TNKS: variants seen among roughly 807,000 people sequenced by gnomAD.
TNKS encodes tankyrase.
In TNKS, 72 loss-of-function variants were observed where a neutral mutation model predicts 135.8. That is an observed-to-expected ratio of 0.53 (90% confidence interval 0.44 to 0.64). TNKS has a LOEUF of 0.64. Among genes scored for constraint, TNKS ranks in the 30% least tolerant of loss-of-function variants. The pLI is 0.00. For synonymous variants in TNKS, 849 were observed against 649.3 expected, an observed-to-expected ratio of 1.31 and a Z score of -4.68; for missense variants, 1,769 against 1,674.0, an observed-to-expected ratio of 1.06 and a Z score of -0.99.
rs1803734922 is a variant in TNKS at position 9,700,323 on chromosome 8, G to A, written c.1108-4340G>A. 2.0e-5 allele frequency among the ~76,000 whole-genome samples: 3 copies of A among 152,298 alleles called. No individual in the cohort carries two copies. In the South Asian group the frequency reaches 6.2e-4, roughly 32 times the overall value. Reference sequence around the variant, plus strand: ...TCAAACTTGGTGTGATTTTGAGAAAGAAGAAGATCCATAAGCTCAAAATAC... The same window carrying A: ...TCAAACTTGGTGTGATTTTGAGAAAAAAGAAGATCCATAAGCTCAAAATAC... On this transcript the variant is annotated intron_variant, in intron 5 of 26. Coordinates refer to ENST00000310430, the MANE Select transcript of TNKS (RefSeq NM_003747.3).
At chr8:9,587,337 G>C (rs1024896068) in intron 2 of TNKS, among the ~76,000 whole-genome samples, 5 of 152,030 alleles carry the variant, frequency 3.3e-5, no homozygotes, top group African/African-American at 1.2e-4. Flanking sequence ...GATGGAAAAG[G>C]CAAGGAAGTA....
chr8:9,560,805 C>T (rs58868633), intron 1 of TNKS, among the ~76,000 whole-genome samples: 33 of 151,904 alleles, frequency 2.2e-4, no homozygotes, highest in African/African-American at 8.0e-4. Context: ...AACTGGATTA[C>T]CTTTTACTTA....
At chr8:9,759,166 C>T (rs1277555942) in intron 20 of TNKS, among the ~76,000 whole-genome samples, 1 of 152,150 alleles carries the variant, frequency 6.6e-6, no homozygotes, top group Non-Finnish European at 1.5e-5. Context: ...GCCTGCACTC[C>T]AGGGGAGGGG....
intron 3 of TNKS, among the ~76,000 whole-genome samples, chr8:9,646,498 C>G (rs1005399159): frequency 3.3e-5 from 5 of 151,962 alleles, no homozygotes; most frequent in African/African-American, 1.2e-4. Context: ...CATTTTTATA[C>G]AGAGAAGTTT....
intron 20 of TNKS, among the ~76,000 whole-genome samples, chr8:9,756,893 C>G (rs1291662798): frequency 6.6e-6 from 1 of 152,164 alleles, no homozygotes; most frequent in Non-Finnish European, 1.5e-5. Context: ...TCTCATCCTC[C>G]TAAAATACAA....
chr8:9,686,785 A>G (rs970182368), intron 5 of TNKS, among the ~76,000 whole-genome samples: 1 of 152,116 alleles, frequency 6.6e-6, no homozygotes, highest in African/African-American at 2.4e-5. Flanking sequence ...AAGCTAGAAG[A>G]TCTGATTTTA....
intron 3 of TNKS, among the ~76,000 whole-genome samples, chr8:9,667,668 AT>A (rs1462625760): frequency 2.6e-5 from 4 of 152,168 alleles, no homozygotes; most frequent in African/African-American, 9.6e-5. Flanking sequence ...AGTGAGTGCA[AT>A]TATGGTTTCC....
Position 9,589,576 on chromosome 8 carries a change from GC to G in TNKS, c.898+9197del, listed in dbSNP as rs537685763. Among the ~76,000 whole-genome samples, 627 of 152,312 alleles carry G rather than the reference GC, an allele frequency of 4.1e-3. 3 individuals are homozygous for G. Among genetic ancestry groups the G allele is most frequent in the Middle Eastern group, 0.017 (5 of 294 alleles). On this transcript the variant is annotated intron_variant, in intron 2 of 26. Coordinates refer to ENST00000310430, the MANE Select transcript of TNKS (RefSeq NM_003747.3). ...AAACCTGAGATGCAAAGAATCTGAT[GC>G]CCCACTTTGAGTTAGATGTTGACCC...
intron 11 of TNKS, among the ~76,000 whole-genome samples, chr8:9,719,705 G>A (rs1212268079): frequency 2.0e-5 from 3 of 152,130 alleles, no homozygotes; most frequent in African/African-American, 7.2e-5. Flanking sequence ...GGGATCTGCT[G>A]GAAGATAAGA....
chr8:9,690,897 G>T (rs1227678391), intron 5 of TNKS, among the ~76,000 whole-genome samples: 1 of 151,982 alleles, frequency 6.6e-6, no homozygotes, highest in East Asian at 1.9e-4. Flanking sequence ...ATCTATCTAG[G>T]ATTCATAGAA....
intron 25 of TNKS, among the ~76,000 whole-genome samples, chr8:9,768,407 T>A (rs1278124554): frequency 6.6e-6 from 1 of 152,200 alleles, no homozygotes; most frequent in Non-Finnish European, 1.5e-5. Context: ...AGTATATCAG[T>A]GAGAGAAAGA....
At chr8:9,560,340 G>C (rs1797274235) in intron 1 of TNKS, among the ~76,000 whole-genome samples, 1 of 151,852 alleles carries the variant, frequency 6.6e-6, no homozygotes, top group Admixed American at 6.6e-5. Context: ...CTTGGATTAT[G>C]ATAGGTAATG....
intron 11 of TNKS, among the ~76,000 whole-genome samples, chr8:9,717,072 A>AATATAT (rs368231440): frequency 0.016 from 1,262 of 79,408 alleles, 42 homozygotes; most frequent in South Asian, 0.04. Flanking sequence ...GTTGTATTAT[A>AATATAT]ATATATATAT....
At chr8:9,628,180 A>T (rs1379134971) in intron 3 of TNKS, among the ~76,000 whole-genome samples, 1 of 140,528 alleles carries the variant, frequency 7.1e-6, no homozygotes, top group East Asian at 2.1e-4. Flanking sequence ...AAAAAAAAAC[A>T]TTCTTTTGTG....
intron 3 of TNKS, among the ~76,000 whole-genome samples, chr8:9,630,493 T>A (rs1800247258): frequency 6.6e-6 from 1 of 152,230 alleles, no homozygotes; most frequent in South Asian, 2.1e-4. Flanking sequence ...AATCTGCAAG[T>A]TCTACTTTCA....
chr8:9,622,503 A>G (rs1799903990), intron 3 of TNKS, among the ~76,000 whole-genome samples: 1 of 152,230 alleles, frequency 6.6e-6, no homozygotes. Context: ...CTAAGTTCAC[A>G]GAACCATCAA....
chr8:9,698,618 A>C (rs4323472), intron 5 of TNKS, among the ~76,000 whole-genome samples: 1 of 152,154 alleles, frequency 6.6e-6, no homozygotes, highest in African/African-American at 2.4e-5. Context: ...TTCCAAAGCC[A>C]GAATGCAAAA....
chr8:9,679,980 G>A lies in TNKS; in HGVS notation c.1024G>A (p.Ala342Thr), dbSNP rs201842298. 1 of 1,612,500 alleles carries A rather than the reference G, an allele frequency of 6.2e-7. No homozygotes were observed. Among genetic ancestry groups the A allele is most frequent in the Non-Finnish European group, 8.5e-7 (1 of 1,178,590 alleles). The change falls in exon 4 of 27, where the codon GCT (alanine) becomes ACT (threonine). Residue 342 changes from alanine (A) to threonine (T), a missense_variant. Around this residue, in one of 5 missense-constraint regions of TNKS, gnomAD observed 523 missense variants for 541.0 expected, o/e 0.97. Coordinates refer to ENST00000310430, the MANE Select transcript of TNKS (RefSeq NM_003747.3). ...GEYKKDELLE[A>T]ARSGNEEKLM... ...ATACAAGAAAGACGAACTCCTAGAA[G>A]CTGCTAGGTAAGTGATTCCATTCAT...
intron 5 of TNKS, among the ~76,000 whole-genome samples, chr8:9,685,557 A>G (rs1563166481): frequency 1.3e-5 from 2 of 152,152 alleles, no homozygotes; most frequent in Non-Finnish European, 1.5e-5. Flanking sequence ...CTCTCCACTT[A>G]AATGTCCTTA....
Sources: gnomAD v4.1 joint callset for allele counts (sites outside exome capture counted in the v4.1 genomes callset) on GRCh38, gnomAD v4.1.1 for gene constraint, gnomAD v4.1.1 regional missense constraint, MANE v1.5 for transcripts, NCBI Gene and HGNC (gene_info 2026-07-23, HGNC 2026-07-21) for gene names.